The following KCNQ1 variants were observed in gnomAD, a reference collection of about 807,000 sequenced individuals.
The protein encoded by KCNQ1 is potassium voltage-gated channel subfamily KQT member 1.
Under a neutral mutation model 72.4 loss-of-function variants are expected in KCNQ1, and 49 were observed. That is an observed-to-expected ratio of 0.68 (90% CI 0.54 to 0.86). The LOEUF (loss-of-function observed/expected upper bound fraction) is 0.86. KCNQ1 is among the 40% of genes least tolerant of loss of function. KCNQ1 has a pLI of 0.00. For synonymous variants in KCNQ1, 450 were observed against 412.6 expected (o/e 1.09, Z -1.10); for missense variants, 790 against 945.1 (o/e 0.84, Z 2.15).
chr11:2,600,923 C>G lies in KCNQ1; in HGVS notation c.1393+12069C>G, dbSNP rs1848796807. Among the ~76,000 whole-genome samples the G allele has an allele frequency of 6.6e-6, 1 of 152,130 alleles. No individual in the cohort carries two copies. The highest frequency in any genetic ancestry group is 1.5e-5 in the Non-Finnish European group (1 of 68,038). On this transcript the variant is annotated intron_variant, in intron 10 of 15. Coordinates refer to ENST00000155840, the MANE Select transcript of KCNQ1 (RefSeq NM_000218.3). The surrounding 1 kb of genome is among the most constrained non-coding windows in gnomAD (Gnocchi z 5.6). ...GATGTCCTTCTCAGTGTATCACATC[C>G]TGAGGCACACAGTGTATCTGCCCCT...
intron 11 of KCNQ1, chr11:2,697,016 G>T: frequency 2.5e-6 from 1 of 398,300 alleles, no homozygotes; most frequent in Non-Finnish European, 4.4e-6. Flanking sequence ...GTAGTCTGGG[G>T]ATTCCAGAGA....
chr11:2,539,781 C>T (rs757284775), intron 2 of KCNQ1, among the ~76,000 whole-genome samples: 20 of 152,216 alleles, frequency 1.3e-4, no homozygotes, highest in Non-Finnish European at 2.1e-4. Context: ...TTAGAGTGTG[C>T]GGCCATGGGG....
chr11:2,456,536 A>G (rs974491712), intron 1 of KCNQ1, among the ~76,000 whole-genome samples: 1 of 152,156 alleles, frequency 6.6e-6, no homozygotes, highest in African/African-American at 2.4e-5. Context: ...AATGGGAGAA[A>G]ATATTAGCAA....
In KCNQ1 at chr11:2,598,148, GTTC is replaced by G. The variant is rs796570927; in HGVS notation, c.1393+9299_1393+9301del. Among the ~76,000 whole-genome samples the G allele has an allele frequency of 5.3e-5, 8 of 152,084 alleles. No homozygotes were observed. Among genetic ancestry groups the G allele is most frequent in the African/African-American group, 1.7e-4 (7 of 41,510 alleles). On this transcript the variant is annotated intron_variant, in intron 10 of 15. Transcript: ENST00000155840. The surrounding 1 kb of genome is among the most constrained non-coding windows in gnomAD (Gnocchi z 6.2). ...AAGAGTCATAGTTCATTTATTTGAA[GTTC>G]TTCTACTAAAGGCATTTTTAAAGGC...
intron 15 of KCNQ1, among the ~76,000 whole-genome samples, chr11:2,805,286 G>A (rs1846137393): frequency 1.3e-5 from 2 of 152,196 alleles, no homozygotes; most frequent in Non-Finnish European, 1.5e-5. Context: ...AGCTGCACAG[G>A]GCCCCTCCCT....
chr11:2,629,844 C>T (rs1589991598), intron 10 of KCNQ1: 2 of 397,688 alleles, frequency 5.0e-6, no homozygotes, highest in African/African-American at 4.1e-5. Flanking sequence ...GTAGCATTTT[C>T]TACATATATG....
chr11:2,755,310 G>A (rs775839400), intron 11 of KCNQ1, among the ~76,000 whole-genome samples: 1 of 152,102 alleles, frequency 6.6e-6, no homozygotes, highest in Admixed American at 6.6e-5. Context: ...GAGTGCACTG[G>A]CGCAATCATA....
rs115828795 is a variant in KCNQ1, at chr11:2,816,342, C to T, written c.1795-31425C>T. On this transcript the variant is annotated intron_variant, in intron 15 of 15. Coordinates refer to ENST00000155840, the MANE Select transcript of KCNQ1 (RefSeq NM_000218.3). This position sits in a 1 kb window ranked among gnomAD's most constrained non-coding sequence, Gnocchi z 6.8. Reference sequence around the variant, plus strand: ...CGATGTTGGGGAGAGGGGCCTCCAGCGCCGTGGGGGAGAATTTCAAGAGCC... The same window carrying T: ...CGATGTTGGGGAGAGGGGCCTCCAGTGCCGTGGGGGAGAATTTCAAGAGCC... Among the ~76,000 whole-genome samples the T allele has an allele frequency of 0.021, 3,268 of 152,276 alleles. 91 individuals carry two copies. The highest frequency in any genetic ancestry group is 0.07 in the African/African-American group (2,927 of 41,546).
chr11:2,847,880 C>T lies in KCNQ1; in HGVS notation c.1908C>T (p.Ala636=), dbSNP rs771637859. 1 of 1,580,774 alleles carries T rather than the reference C, an allele frequency of 6.3e-7. No homozygotes were observed. The highest frequency in any genetic ancestry group is 1.8e-5 in the Admixed American group (1 of 56,176). Residue 636 remains alanine (A), a synonymous_variant, in exon 16 of 16, where the codon GCC becomes GCT. Transcript: ENST00000155840. ...GCGGCCCCCCCAGAGAGGGCGGGGCCCACATCACCCAGCCCTGCGGCAGTG... is the reference window on the plus strand; with the variant it reads ...GCGGCCCCCCCAGAGAGGGCGGGGCTCACATCACCCAGCCCTGCGGCAGTG... ...GSGGPPREGG[A]HITQPCGSGG...
rs1487761283 is a variant in KCNQ1 at position 2,677,067 on chromosome 11, T to G, written c.1514+14986T>G. 2 of 398,496 alleles carry G rather than the reference T, an allele frequency of 5.0e-6. No homozygotes were observed. Among genetic ancestry groups the G allele is most frequent in the Non-Finnish European group, 8.8e-6 (2 of 226,062 alleles). The allele number at this position is 398,496 out of a possible 1,614,324, so 24.7% of individuals were successfully genotyped here. A position where few individuals can be genotyped will look rare whatever the true frequency, so the allele number is the denominator to read the frequency against. Reference sequence around the variant, plus strand: ...AGGGCAGCTAAAAAACAGCAGCCATTAACCATTCAAATATATTCACTACTG... The same window carrying G: ...AGGGCAGCTAAAAAACAGCAGCCATGAACCATTCAAATATATTCACTACTG... On this transcript the variant is annotated intron_variant, in intron 11 of 15. Coordinates refer to ENST00000155840, the MANE Select transcript of KCNQ1 (RefSeq NM_000218.3). The surrounding 1 kb of genome is among the most constrained non-coding windows in gnomAD (Gnocchi z 4.5).
At chr11:2,501,250 T>TA (rs1410947380) in intron 1 of KCNQ1, among the ~76,000 whole-genome samples, 3 of 150,710 alleles carry the variant, frequency 2.0e-5, no homozygotes, top group African/African-American at 4.9e-5. Context: ...AAAGTTGGTT[T>TA]TTTTTTTAAA....
In KCNQ1 at chr11:2,458,520, T is replaced by A. The variant is rs1352643810; in HGVS notation, c.386+13036T>A. Among the ~76,000 whole-genome samples, 1 of 152,214 alleles carries A rather than the reference T, an allele frequency of 6.6e-6. No homozygotes were observed. Among genetic ancestry groups the A allele is most frequent in the Non-Finnish European group, 1.5e-5 (1 of 68,040 alleles). Reference sequence around the variant, plus strand: ...TGCTGAAGTCCTGCCAGGCTCCAGCTCCTGGTGAGGTCAGGGATTCCGCAT... The same window carrying A: ...TGCTGAAGTCCTGCCAGGCTCCAGCACCTGGTGAGGTCAGGGATTCCGCAT... On this transcript the variant is annotated intron_variant, in intron 1 of 15. Coordinates refer to ENST00000155840, the MANE Select transcript of KCNQ1 (RefSeq NM_000218.3). This position sits in a 1 kb window ranked among gnomAD's most constrained non-coding sequence, Gnocchi z 4.6.
At chr11:2,811,061 C>T (rs1015872299) in intron 15 of KCNQ1, among the ~76,000 whole-genome samples, 1 of 152,226 alleles carries the variant, frequency 6.6e-6, no homozygotes, top group Non-Finnish European at 1.5e-5. Flanking sequence ...TCTTGGCACC[C>T]TTACAGCCCC....
chr11:2,798,566 C>A (rs1254131812), intron 15 of KCNQ1, among the ~76,000 whole-genome samples: 1 of 151,824 alleles, frequency 6.6e-6, no homozygotes, highest in Non-Finnish European at 1.5e-5. Flanking sequence ...AAAAAAAATA[C>A]CCACTCTATT....
At chr11:2,700,528 G>A (rs370685394) in intron 11 of KCNQ1, among the ~76,000 whole-genome samples, 5 of 151,978 alleles carry the variant, frequency 3.3e-5, no homozygotes, top group East Asian at 3.9e-4. Flanking sequence ...GGTCTCCACC[G>A]CCGTGGCACC....
chr11:2,581,392 CCCCAGTGCA>C (rs1427236697), intron 6 of KCNQ1, among the ~76,000 whole-genome samples: 1 of 152,234 alleles, frequency 6.6e-6, no homozygotes, highest in East Asian at 1.9e-4. Context: ...CAACTCCCCA[CCCCAGTGCA>C]CCTGGGCCCT....
chr11:2,676,644 G>A lies in KCNQ1; in HGVS notation c.1514+14563G>A. The stretch of plus-strand genomic sequence containing the variant: ...GGGTAGCTTCACAGATTCACAGATA[G>A]ATAGTTCATTAAGGTCTTGAGTATT... On this transcript the variant is annotated intron_variant, in intron 11 of 15. Coordinates refer to ENST00000155840, the MANE Select transcript of KCNQ1 (RefSeq NM_000218.3). The surrounding 1 kb of genome is among the most constrained non-coding windows in gnomAD (Gnocchi z 4.2). 1 of 398,690 alleles carries A rather than the reference G, an allele frequency of 2.5e-6. No homozygotes were observed. Among genetic ancestry groups the A allele is most frequent in the African/African-American group, 2.1e-5 (1 of 48,766 alleles). The allele number at this position is 398,690 out of a possible 1,614,324, so 24.7% of individuals were successfully genotyped here. A position where few individuals can be genotyped will look rare whatever the true frequency, so the allele number is the denominator to read the frequency against.
chr11:2,459,459 TGAG>T (rs1294638873), intron 1 of KCNQ1, among the ~76,000 whole-genome samples: 6 of 152,102 alleles, frequency 3.9e-5, no homozygotes, highest in Non-Finnish European at 7.4e-5. Flanking sequence ...TCTTAGGTAA[TGAG>T]GAGCTGTGCG....
Position 2,762,262 on chromosome 11 carries a change from T to A in KCNQ1, c.1515-6582T>A, listed in dbSNP as rs944508087. Among the ~76,000 whole-genome samples, 1 of 152,192 alleles carries A rather than the reference T, an allele frequency of 6.6e-6. No homozygotes were observed. The highest frequency in any genetic ancestry group is 1.5e-5 in the Non-Finnish European group (1 of 68,024). ...AGTTTTCTGTTACAGTTCATACTGT[T>A]TGCGTTCCTTTAAAGACGTCTTTGC... On this transcript the variant is annotated intron_variant, in intron 11 of 15. Coordinates refer to ENST00000155840, the MANE Select transcript of KCNQ1 (RefSeq NM_000218.3). This position sits in a 1 kb window ranked among gnomAD's most constrained non-coding sequence, Gnocchi z 4.3.
Sources: allele counts gnomAD v4.1 joint callset (sites outside exome capture counted in the v4.1 genomes callset), GRCh38; gene constraint gnomAD v4.1.1; non-coding constraint Gnocchi (gnomAD v3.1); transcripts MANE v1.5; gene names NCBI Gene and HGNC (gene_info 2026-07-23, HGNC 2026-07-21).